Variants in ERCC6L2 observed in about 807,000 individuals in gnomAD.
ERCC6L2 encodes ERCC excision repair 6 like 2.
ERCC6L2 carries 77 observed loss-of-function variants against 132.0 expected under a neutral mutation model. The observed-to-expected ratio is 0.58, with a 90% CI of 0.49 to 0.71. The LOEUF (loss-of-function observed/expected upper bound fraction) is 0.71. Among genes scored for constraint, ERCC6L2 ranks in the 30% least tolerant of loss-of-function variants. ERCC6L2 has a pLI of 0.00. For missense variants in ERCC6L2, 1,542 were observed against 1,837.6 expected, an observed-to-expected ratio of 0.84 and a Z score of 2.94; for synonymous variants, 583 against 632.4, an observed-to-expected ratio of 0.92 and a Z score of 1.17.
chr9:95,976,520 C>T (rs1373834048), intron 16 of ERCC6L2, among the ~76,000 whole-genome samples: 1 of 152,170 alleles, frequency 6.6e-6, no homozygotes, highest in Non-Finnish European at 1.5e-5. Context: ...GTCTCCTGTT[C>T]TTAGGTCTGT....
At chr9:96,037,727 A>G (rs1239561281) in intron 19 of ERCC6L2, among the ~76,000 whole-genome samples, 1 of 152,156 alleles carries the variant, frequency 6.6e-6, no homozygotes, top group East Asian at 1.9e-4. Context: ...TGGGGCAAGG[A>G]TGAAGGATGA....
At chr9:95,950,662 A>G (rs994999162) in intron 12 of ERCC6L2, among the ~76,000 whole-genome samples, 2 of 152,218 alleles carry the variant, frequency 1.3e-5, no homozygotes, top group Non-Finnish European at 2.9e-5. Flanking sequence ...ATTTCATGCA[A>G]ATAGTAACCA....
chr9:96,037,531 T>C (rs1297464377), intron 19 of ERCC6L2, among the ~76,000 whole-genome samples: 1 of 151,836 alleles, frequency 6.6e-6, no homozygotes, highest in Non-Finnish European at 1.5e-5. Flanking sequence ...GGCCCTGAGG[T>C]TCTGGCCTGA....
In ERCC6L2 at chr9:95,970,181, C is replaced by T. The variant is rs189996725; in HGVS notation, c.2101-395C>T. ...AGAATATCAAGTTCCCAATATTCAACATTGTGGTGTTTGAAATGTTAATAT... is the reference window on the plus strand; with the variant it reads ...AGAATATCAAGTTCCCAATATTCAATATTGTGGTGTTTGAAATGTTAATAT... On this transcript the variant is annotated intron_variant, in intron 14 of 18. Transcript: ENST00000653738. Among the ~76,000 whole-genome samples, 3 of 152,114 alleles carry T rather than the reference C, an allele frequency of 2.0e-5. No homozygotes were observed. The East Asian group carries it at 5.8e-4, about 29-fold the overall frequency.
intron 2 of ERCC6L2, 89 bp from the exon 3 acceptor site, chr9:95,897,760 T>C (rs1828544635): frequency 1.5e-6 from 2 of 1,292,344 alleles, no homozygotes; most frequent in East Asian, 2.4e-5. Flanking sequence ...GTACATACTT[T>C]GTCACTAATT....
chr9:95,922,400 T>C lies in ERCC6L2; in HGVS notation c.1395T>C (p.Ala465=), dbSNP rs1587912265. Residue 465 remains alanine (A), a synonymous_variant, in exon 8 of 19, where the codon GCT becomes GCC. Coordinates refer to ENST00000653738, the MANE Select transcript of ERCC6L2 (RefSeq NM_020207.7). ...VANHVALLQA[A]STSKQQETLI... is the part of the protein sequence containing the mutation. Reference sequence around the variant, plus strand: ...ACCATGTCGCGCTACTGCAAGCTGCTAGTACTTCCAAACAACAGGTTTGGT... The same window carrying C: ...ACCATGTCGCGCTACTGCAAGCTGCCAGTACTTCCAAACAACAGGTTTGGT... 2 of 1,607,858 alleles carry C rather than the reference T, an allele frequency of 1.2e-6. No individual in the cohort carries two copies. Among genetic ancestry groups the C allele is most frequent in the Admixed American group, 3.3e-5 (2 of 59,868 alleles).
chr9:95,955,801 AT>A, intron 12 of ERCC6L2, 112 bp from the exon 13 acceptor site: 1 of 527,924 alleles, frequency 1.9e-6, no homozygotes. Context: ...TAAAATGTTT[AT>A]TTTTAAATTA....
chr9:95,956,309 G>A (rs945134846), intron 13 of ERCC6L2, among the ~76,000 whole-genome samples: 1 of 152,112 alleles, frequency 6.6e-6, no homozygotes, highest in Non-Finnish European at 1.5e-5. Flanking sequence ...AGCCCATGAT[G>A]TGGAATTTTT....
chr9:95,931,701 A>G (rs188885235), intron 11 of ERCC6L2, among the ~76,000 whole-genome samples: 1 of 152,126 alleles, frequency 6.6e-6, no homozygotes, highest in African/African-American at 2.4e-5. Context: ...TGCCAATCTG[A>G]TTTTCATTCC....
intron 3 of ERCC6L2, among the ~76,000 whole-genome samples, chr9:95,898,510 C>G (rs912544277): frequency 6.6e-6 from 1 of 152,038 alleles, no homozygotes; most frequent in African/African-American, 2.4e-5. Flanking sequence ...TGACTGAATG[C>G]TATTCATATC....
chr9:95,955,825 A>G, intron 12 of ERCC6L2, 89 bp from the exon 13 acceptor site: 1 of 606,112 alleles, frequency 1.6e-6, no homozygotes, highest in East Asian at 3.2e-5. Flanking sequence ...TAAAAATTTA[A>G]TGATTTTCCA....
At chr9:95,995,740 A>G (rs1554759570) in intron 17 of ERCC6L2, among the ~76,000 whole-genome samples, 2 of 152,168 alleles carry the variant, frequency 1.3e-5, no homozygotes, top group Non-Finnish European at 2.9e-5. Context: ...CGTTATTATT[A>G]TATCTGTTAA....
chr9:95,928,023 A>G, intron 9 of ERCC6L2, 56 bp from the exon 10 acceptor site: 5 of 1,162,058 alleles, frequency 4.3e-6, no homozygotes, highest in Non-Finnish European at 6.5e-6. Context: ...GTTTATATGT[A>G]TAAAGTGTAC....
chr9:96,027,512 T>C (rs1478324573), intron 19 of ERCC6L2, among the ~76,000 whole-genome samples: 3 of 151,996 alleles, frequency 2.0e-5, no homozygotes, highest in African/African-American at 7.2e-5. Flanking sequence ...GGCGGCCCGG[T>C]TGGAAAGTTG....
Position 96,036,762 on chromosome 9 carries a change from TA to T in ERCC6L2, c.*1504-2113del, listed in dbSNP as rs201003734. On this transcript the variant is annotated intron_variant and NMD_transcript_variant, in intron 19 of 20. Coordinates refer to the ERCC6L2 transcript ENST00000670016. ...TTTAAATTATTATTATTATTATTAT[TA>T]TTTTTATTTATTTTTTTTTTTGAGA... is the stretch of plus-strand genomic sequence containing the variant. 9.6e-3 allele frequency among the ~76,000 whole-genome samples: 1,355 copies of T among 140,808 alleles called. 11 individuals are homozygous for T. Among genetic ancestry groups the T allele is most frequent in the South Asian group, 0.025 (113 of 4,474 alleles). The allele number at this position is 140,808 out of a possible 152,430, so 92.4% of individuals were successfully genotyped here.
At chr9:95,910,326 CTATT>C (rs1829284758) in intron 4 of ERCC6L2, among the ~76,000 whole-genome samples, 1 of 151,776 alleles carries the variant, frequency 6.6e-6, no homozygotes, top group South Asian at 2.1e-4. Context: ...AAAAATATAC[CTATT>C]TATTTCTAAT....
At chr9:95,906,914 A>G (rs917981248) in intron 3 of ERCC6L2, among the ~76,000 whole-genome samples, 164 bp from the exon 4 acceptor site, 1 of 152,234 alleles carries the variant, frequency 6.6e-6, no homozygotes, top group Non-Finnish European at 1.5e-5. Context: ...ATTTTTTGAG[A>G]ATCTTCAATG....
In ERCC6L2 at chr9:96,012,787, A is replaced by C; in HGVS notation, c.4237A>C (p.Arg1413=). The change falls in exon 19 of 19, where the codon AGA becomes CGA. Residue 1413 remains arginine (R), a synonymous_variant. Transcript: ENST00000653738. ...GGACCTCACAAGAACGGGCATTTCA[A>C]GAAAAGAACCCCTTCTCAAATTGGA... ...QQDLTRTGIS[R]KEPLLKLENK... 7.3e-7 allele frequency: 1 copy of C among 1,367,666 alleles called. No individual in the cohort carries two copies. The highest frequency in any genetic ancestry group is 9.8e-7 in the Non-Finnish European group (1 of 1,021,850). 84.7% of individuals were successfully genotyped at this position (1,367,666 alleles called of 1,614,324 possible).
rs1386828391 is a variant in ERCC6L2, at chr9:95,970,705, T to C, written c.2181+49T>C. 2.5e-6 allele frequency: 3 copies of C among 1,183,542 alleles called. No homozygotes were observed. The South Asian group carries it at 4.6e-5, about 18-fold the overall frequency. 73.3% of individuals were successfully genotyped at this position (1,183,542 alleles called of 1,614,324 possible). A position where few individuals can be genotyped will look rare whatever the true frequency, so the allele number is the denominator to read the frequency against. On this transcript the variant is annotated intron_variant, in intron 15 of 18. Coordinates refer to ENST00000653738, the MANE Select transcript of ERCC6L2 (RefSeq NM_020207.7). ...ACTACAACACCTAGAAAACATGTAC[T>C]GTGACAATTTTGTTTCTTTTCCTTT...
Sources: allele counts gnomAD v4.1 joint callset (sites outside exome capture counted in the v4.1 genomes callset), GRCh38; gene constraint gnomAD v4.1.1; transcripts MANE v1.5; gene names NCBI Gene and HGNC (gene_info 2026-07-23, HGNC 2026-07-21).